The following LSP1 variants were observed in gnomAD, a reference collection of about 807,000 sequenced individuals.
The protein encoded by LSP1 is lymphocyte-specific protein 1.
In LSP1, 32 loss-of-function variants were observed where a neutral mutation model predicts 49.3. The observed-to-expected ratio is 0.65, with a 90% confidence interval of 0.49 to 0.87. The LOEUF (loss-of-function observed/expected upper bound fraction) is 0.87, where lower values mean the gene tolerates loss of function less well. Among genes scored for constraint, LSP1 ranks in the 40% least tolerant of loss-of-function variants. The pLI is 0.00. For synonymous variants in LSP1, 179 were observed against 178.8 expected (o/e 1.00, Z -0.01); for missense variants, 428 against 442.6 (o/e 0.97, Z 0.30).
intron 3 of LSP1, among the ~76,000 whole-genome samples, chr11:1,882,010 C>T (rs1053621929): frequency 7.2e-5 from 11 of 152,204 alleles, no homozygotes; most frequent in Non-Finnish European, 1.3e-4. Flanking sequence ...AGCCCGCCGC[C>T]GCCCCTTCCT....
At chr11:1,877,157 C>G (rs1328145076) in intron 1 of LSP1, among the ~76,000 whole-genome samples, 4 of 152,198 alleles carry the variant, frequency 2.6e-5, no homozygotes, top group African/African-American at 9.6e-5. Context: ...CCGGGGGGCG[C>G]CTTTCCCAGG....
Position 1,886,765 on chromosome 11 carries a change from G to T in LSP1, c.751G>T (p.Ala251Ser), listed in dbSNP as rs779888159. ...AGRTPKLARQASIELPSMAVA... is the reference protein window; with the variant it reads ...AGRTPKLARQSSIELPSMAVA... ...CCGGACCCCCAAGCTAGCCCGCCAG[G>T]CCTCCATAGAGCTGCCCAGCATGGC... is the stretch of plus-strand genomic sequence containing the variant. Residue 251 changes from alanine (A) to serine (S), a missense_variant, in exon 8 of 11, where the codon GCC becomes TCC. Ala to Ser is a moderately conservative substitution (Grantham distance 99, BLOSUM62 1). Transcript: ENST00000311604. The T allele has an allele frequency of 6.2e-7, 1 of 1,611,414 alleles. No individual in the cohort carries two copies. Among genetic ancestry groups the T allele is most frequent in the Non-Finnish European group, 8.5e-7 (1 of 1,179,512 alleles).
rs147565806 is a variant in LSP1, at chr11:1,873,294, C to A, written c.54-6793C>A. 3.3e-5 allele frequency among the ~76,000 whole-genome samples: 5 copies of A among 151,916 alleles called. No homozygotes were observed. The East Asian group carries it at 5.8e-4, about 18-fold the overall frequency. The stretch of plus-strand genomic sequence containing the variant: ...CTCCCTGCCAGGACCCTGCCCACTG[C>A]GGCGACCCCGAGGCTCAGAGCAGGC... On this transcript the variant is annotated intron_variant, in intron 1 of 10. Coordinates refer to ENST00000311604, the MANE Select transcript of LSP1 (RefSeq NM_002339.3).
intron 1 of LSP1, among the ~76,000 whole-genome samples, chr11:1,876,842 C>T (rs1306141852): frequency 4.6e-5 from 7 of 152,236 alleles, no homozygotes; most frequent in African/African-American, 1.7e-4. Context: ...ACGAGGCATC[C>T]GTCAGAGTTC....
chr11:1,868,760 G>A (rs1022334813), intron 1 of LSP1: 3 of 985,690 alleles, frequency 3.0e-6, no homozygotes, highest in Non-Finnish European at 3.6e-6. Flanking sequence ...GAGTGGCCCA[G>A]CCCCCTGGGC....
In LSP1 at chr11:1,884,801, C is replaced by T. The variant is rs749501807; in HGVS notation, c.717+220C>T. Among the ~76,000 whole-genome samples, 6 of 151,902 alleles carry T rather than the reference C, an allele frequency of 3.9e-5. No individual in the cohort carries two copies. Among genetic ancestry groups the T allele is most frequent in the Admixed American group, 1.3e-4 (2 of 15,268 alleles). On this transcript the variant is annotated intron_variant, in intron 7 of 10. Coordinates refer to ENST00000311604, the MANE Select transcript of LSP1 (RefSeq NM_002339.3). The surrounding 1 kb of genome is among the most constrained non-coding windows in gnomAD (Gnocchi z 4.1). ...TCAATGCCCCCCCTTTCAATCAATG[C>T]TACTCCATCCAACCAATAATCTCCC...
At chr11:1,882,522 C>G (rs184926673) in intron 3 of LSP1, among the ~76,000 whole-genome samples, 7 of 152,170 alleles carry the variant, frequency 4.6e-5, no homozygotes, top group South Asian at 2.1e-4. Context: ...CAGTCTCCCC[C>G]CTACGTGCTT....
intron 1 of LSP1, chr11:1,868,997 T>C: frequency 1.0e-6 from 1 of 986,374 alleles, no homozygotes; most frequent in Non-Finnish European, 1.2e-6. Flanking sequence ...GTCGGTGGAC[T>C]GGGGTTAACC....
At position 1,884,528 on chromosome 11, in the gene LSP1, T is replaced by G. The variant is rs1192423892; in HGVS notation, c.664T>G (p.Leu222Val). Residue 222 changes from leucine (L) to valine (V), a missense_variant, in exon 7 of 11, where the codon TTG becomes GTG. By Grantham distance (32) the Leu-to-Val change is conservative. Transcript: ENST00000311604. The surrounding 1 kb of genome is among the most constrained non-coding windows in gnomAD (Gnocchi z 4.1). ...CAGTGTGAAGAAATCCCAGCCAGAC[T>G]TGCCCATCTCCAAGATTGATCAGTG... is the stretch of plus-strand genomic sequence containing the variant. ...SNSVKKSQPD[L>V]PISKIDQWLE... 1 of 1,613,752 alleles carries G rather than the reference T, an allele frequency of 6.2e-7. No individual in the cohort carries two copies.
chr11:1,886,529 C>T (rs896118689), intron 7 of LSP1, among the ~76,000 whole-genome samples: 3 of 152,276 alleles, frequency 2.0e-5, no homozygotes, highest in African/African-American at 7.2e-5. Flanking sequence ...CTCCCTGATG[C>T]TCTTCAGGAC....
At chr11:1,890,928 G>A (rs997913184) in intron 10 of LSP1, 6 of 255,426 alleles carry the variant, frequency 2.3e-5, no homozygotes, top group South Asian at 9.1e-5. Flanking sequence ...CCGCAACACC[G>A]TGTGGGCTGG....
chr11:1,855,062 C>T (rs1313629378), intron 1 of LSP1, among the ~76,000 whole-genome samples: 3 of 152,166 alleles, frequency 2.0e-5, no homozygotes, highest in African/African-American at 4.8e-5. Flanking sequence ...TGGAGAGCGG[C>T]GGTTCTCCTG....
chr11:1,878,061 G>T (rs533787405), intron 1 of LSP1, among the ~76,000 whole-genome samples: 1 of 152,118 alleles, frequency 6.6e-6, no homozygotes, highest in African/African-American at 2.4e-5. Context: ...CCCATCGGAA[G>T]CCCAGGTCCA....
chr11:1,866,812 G>A, intron 1 of LSP1: 2 of 1,550,160 alleles, frequency 1.3e-6, no homozygotes, highest in Non-Finnish European at 1.7e-6. Context: ...CGGAGGAGGG[G>A]CAGAGCCCCT....
rs764813178 is a variant in LSP1 at position 1,853,095 on chromosome 11, A to G, written c.-50A>G. The G allele has an allele frequency of 1.3e-5, 21 of 1,580,814 alleles. No homozygotes were observed. Among genetic ancestry groups the G allele is most frequent in the Non-Finnish European group, 1.8e-5 (21 of 1,162,110 alleles). ...AAGCACTGAAAGCCACAGCACGTAC[A>G]CCCACTCCAGGGATCTGCCAGCACC... On this transcript the variant is annotated 5_prime_UTR_variant, in exon 1 of 11. Coordinates refer to ENST00000311604, the MANE Select transcript of LSP1 (RefSeq NM_002339.3).
At position 1,887,226 on chromosome 11, in the gene LSP1, G is replaced by A. The variant is rs760756834; in HGVS notation, c.853-11G>A. 2.6e-6 allele frequency: 4 copies of A among 1,535,088 alleles called. No homozygotes were observed. In the Admixed American group the frequency reaches 7.3e-5, roughly 28 times the overall value. ...GTCTGCCCTTGTGACATACCCTTCT[G>A]CTGCCCCCAGGATATTGTGGCTGGA... On this transcript the variant is annotated splice_polypyrimidine_tract_variant and intron_variant, in intron 8 of 10. Transcript: ENST00000311604.
chr11:1,891,836 G>C lies in LSP1; in HGVS notation c.*77G>C, dbSNP rs1375634778. On this transcript the variant is annotated 3_prime_UTR_variant, in exon 11 of 11. Coordinates refer to ENST00000311604, the MANE Select transcript of LSP1 (RefSeq NM_002339.3). Reference sequence around the variant, plus strand: ...ATGTACCCAGGGGAGATTCCAGCCAGACACCCGCCCCCCGGCCCTGGCTAA... The same window carrying C: ...ATGTACCCAGGGGAGATTCCAGCCACACACCCGCCCCCCGGCCCTGGCTAA... 3 of 152,538 alleles carry C rather than the reference G, an allele frequency of 2.0e-5. No homozygotes were observed. The highest frequency in any genetic ancestry group is 4.4e-5 in the Non-Finnish European group (3 of 68,238). 9.4% of individuals were successfully genotyped at this position (152,538 alleles called of 1,614,324 possible). A position where few individuals can be genotyped will look rare whatever the true frequency, so the allele number is the denominator to read the frequency against.
chr11:1,869,597 C>G (rs900480896), intron 1 of LSP1: 1 of 469,148 alleles, frequency 2.1e-6, no homozygotes, highest in South Asian at 1.5e-5. Flanking sequence ...CCACGTGGGC[C>G]GCACCTAGCA....
chr11:1,865,115 G>C (rs1348024838), intron 1 of LSP1: 54 of 804,048 alleles, frequency 6.7e-5, no homozygotes, highest in Non-Finnish European at 7.8e-5. Context: ...GCAGAGAGGA[G>C]GGCCAGCAGG....
Sources: allele counts gnomAD v4.1 joint callset (sites outside exome capture counted in the v4.1 genomes callset), GRCh38; gene constraint gnomAD v4.1.1; non-coding constraint Gnocchi (gnomAD v3.1); transcripts MANE v1.5; gene names NCBI Gene and HGNC (gene_info 2026-07-23, HGNC 2026-07-21).